The following SNAP29 variants were observed in gnomAD, a reference collection of about 807,000 sequenced individuals.
SNAP29 encodes the protein synaptosome associated protein 29.
A neutral mutation model predicts 27.9 loss-of-function variants in SNAP29; 13 were observed. The ratio of observed to expected loss-of-function variants is 0.47; its 90% confidence interval spans 0.30 to 0.74. The LOEUF (loss-of-function observed/expected upper bound fraction) is 0.74. Among genes scored for constraint, SNAP29 ranks in the 30% least tolerant of loss-of-function variants. The probability of loss-of-function intolerance (pLI) is 0.06; values close to 1 mark genes in which losing one functional copy is unlikely to be tolerated. For missense variants in SNAP29, 368 were observed against 336.5 expected (o/e 1.09, Z -0.73); for synonymous variants, 119 against 127.1 (o/e 0.94, Z 0.43).
chr22:20,862,270 A>T lies in SNAP29; in HGVS notation c.237+2923A>T, dbSNP rs115008702. On this transcript the variant is annotated intron_variant, in intron 1 of 4. Coordinates refer to ENST00000215730, the MANE Select transcript of SNAP29 (RefSeq NM_004782.4). ...CAACTATTTAAGGAGACATCTTTGT[A>T]AACTGAGAACAAATGAAGTAGGGAA... Among the ~76,000 whole-genome samples, 1,122 of 152,338 alleles carry T rather than the reference A, an allele frequency of 7.4e-3. 10 individuals are homozygous for T. The highest frequency in any genetic ancestry group is 0.026 in the African/African-American group (1,080 of 41,568).
In SNAP29 at chr22:20,890,283, C is replaced by T. The variant is rs1000408198; in HGVS notation, c.*2447C>T. 7 of 398,446 alleles carry T rather than the reference C, an allele frequency of 1.8e-5. No homozygotes were observed. The highest frequency in any genetic ancestry group is 3.1e-5 in the Non-Finnish European group (7 of 226,072). 24.7% of individuals were successfully genotyped at this position (398,446 alleles called of 1,614,324 possible). A position where few individuals can be genotyped will look rare whatever the true frequency, so the allele number is the denominator to read the frequency against. ...TTGGGATCGACAAAAAAATGCTACC[C>T]TCTAGACTAGACACATTTCATGGAG... On this transcript the variant is annotated 3_prime_UTR_variant, in exon 5 of 5. Transcript: ENST00000215730.
chr22:20,879,592 T>A (rs981405075), intron 2 of SNAP29, among the ~76,000 whole-genome samples: 9 of 151,900 alleles, frequency 5.9e-5, no homozygotes, highest in African/African-American at 2.2e-4. Flanking sequence ...ATGCCTGTAA[T>A]CCCAGAACTT....
chr22:20,890,397 C>T lies in SNAP29; in HGVS notation c.*2561C>T, dbSNP rs1311329181. ...TTGATTTCCACAGTTGAGCTGGAAA[C>T]AAACTGTGCCTTCAAAAAATGACTT... On this transcript the variant is annotated 3_prime_UTR_variant, in exon 5 of 5. Transcript: ENST00000215730. The T allele has an allele frequency of 2.5e-6, 1 of 398,446 alleles. No homozygotes were observed. Among genetic ancestry groups the T allele is most frequent in the Non-Finnish European group, 4.4e-6 (1 of 226,052 alleles). 24.7% of individuals were successfully genotyped at this position (398,446 alleles called of 1,614,324 possible). A position where few individuals can be genotyped will look rare whatever the true frequency, so the allele number is the denominator to read the frequency against.
intron 2 of SNAP29, among the ~76,000 whole-genome samples, chr22:20,874,420 A>C (rs1202526813): frequency 6.7e-6 from 1 of 148,718 alleles, no homozygotes; most frequent in African/African-American, 2.5e-5. Context: ...ACATGGTGGT[A>C]CGTGCTTGTG....
Position 20,870,508 on chromosome 22 carries a change from A to G in SNAP29, c.409A>G (p.Thr137Ala). The change falls in exon 2 of 5, where the codon ACC (threonine) becomes GCC (alanine). Residue 137 changes from threonine to alanine, a missense_variant. By Grantham distance (58) the Thr-to-Ala change is moderately conservative. Coordinates refer to ENST00000215730, the MANE Select transcript of SNAP29 (RefSeq NM_004782.4). ...PVETPPEQNGTLTSQPNNRLK... is the reference protein window; with the variant it reads ...PVETPPEQNGALTSQPNNRLK... ...AGAGACCCCACCTGAACAGAATGGC[A>G]CCCTCACCTCCCAGCCCAACAACAG... The G allele has an allele frequency of 6.2e-7, 1 of 1,613,968 alleles. No homozygotes were observed. The highest frequency in any genetic ancestry group is 8.5e-7 in the Non-Finnish European group (1 of 1,179,970).
chr22:20,878,445 G>A (rs1480810489), intron 2 of SNAP29, among the ~76,000 whole-genome samples: 1 of 152,158 alleles, frequency 6.6e-6, no homozygotes, highest in East Asian at 1.9e-4. Context: ...GGGCGTGGTG[G>A]CGGGCGCCTG....
intron 1 of SNAP29, among the ~76,000 whole-genome samples, chr22:20,860,074 G>A (rs1029078748): frequency 6.6e-6 from 1 of 152,020 alleles, no homozygotes; most frequent in African/African-American, 2.4e-5. Flanking sequence ...TATTCTGGCC[G>A]AGCGCAGTGA....
At chr22:20,880,993 G>A in intron 2 of SNAP29, 56 bp from the exon 3 acceptor site, 1 of 1,126,022 alleles carries the variant, frequency 8.9e-7, no homozygotes, top group South Asian at 1.3e-5. Context: ...TGATAACATT[G>A]TCATAGGGGT....
At chr22:20,861,105 C>G (rs887441862) in intron 1 of SNAP29, among the ~76,000 whole-genome samples, 1 of 150,736 alleles carries the variant, frequency 6.6e-6, no homozygotes, top group African/African-American at 2.5e-5. Flanking sequence ...CCTCATTGAT[C>G]CACCTCCCTG....
At chr22:20,863,677 TC>T (rs1928388645) in intron 1 of SNAP29, among the ~76,000 whole-genome samples, 1 of 152,100 alleles carries the variant, frequency 6.6e-6, no homozygotes. Context: ...CTTTTTTTTT[TC>T]CTAAGGTTTA....
In SNAP29 at chr22:20,889,700, A is replaced by G. The variant is rs2147876058; in HGVS notation, c.*1864A>G. ...CTGGTTCTTTCCTCTAACACCTTCCATGTATGTCAACTTTTTATCACCGTC... is the reference window on the plus strand; with the variant it reads ...CTGGTTCTTTCCTCTAACACCTTCCGTGTATGTCAACTTTTTATCACCGTC... On this transcript the variant is annotated 3_prime_UTR_variant, in exon 5 of 5. Coordinates refer to ENST00000215730, the MANE Select transcript of SNAP29 (RefSeq NM_004782.4). 6.6e-6 allele frequency: 1 copy of G among 152,304 alleles called. No individual in the cohort carries two copies. Among genetic ancestry groups the G allele is most frequent in the Middle Eastern group, 3.4e-3 (1 of 294 alleles). 9.4% of individuals were successfully genotyped at this position (152,304 alleles called of 1,614,324 possible).
At chr22:20,869,582 C>T (rs893564296) in intron 1 of SNAP29, among the ~76,000 whole-genome samples, 2 of 152,122 alleles carry the variant, frequency 1.3e-5, no homozygotes, top group African/African-American at 4.8e-5. Context: ...TTGACCATGG[C>T]CAGGAGGCTC....
intron 2 of SNAP29, among the ~76,000 whole-genome samples, chr22:20,874,325 C>CAG (rs1238933583): frequency 4.8e-5 from 7 of 146,686 alleles, no homozygotes; most frequent in East Asian, 2.0e-4. Context: ...CAGACACACA[C>CAG]ACACACACAC....
At chr22:20,878,985 TCA>T (rs1407510072) in intron 2 of SNAP29, among the ~76,000 whole-genome samples, 1 of 152,156 alleles carries the variant, frequency 6.6e-6, no homozygotes, top group Non-Finnish European at 1.5e-5. Context: ...AAACATACTT[TCA>T]CAACTTTTTA....
chr22:20,882,844 AG>A (rs1410689317), intron 3 of SNAP29, among the ~76,000 whole-genome samples: 1 of 152,210 alleles, frequency 6.6e-6, no homozygotes, highest in Non-Finnish European at 1.5e-5. Flanking sequence ...TAGAAAGTGA[AG>A]TTTCCCTGAA....
intron 2 of SNAP29, among the ~76,000 whole-genome samples, chr22:20,876,009 A>C (rs1261133981): frequency 3.3e-5 from 5 of 151,828 alleles, no homozygotes; most frequent in Non-Finnish European, 5.9e-5. Context: ...AAAATACAAA[A>C]AATTAGCCAG....
At position 20,859,303 on chromosome 22, in the gene SNAP29, G is replaced by A. The variant is rs760243787; in HGVS notation, c.193G>A (p.Ala65Thr). ...ATAASTSRSL[A>T]LMYESEKVGV... is the part of the protein sequence containing the mutation. The stretch of plus-strand genomic sequence containing the variant: ...GGCCGCCAGCACCAGCAGGTCCCTG[G>A]CCCTCATGTACGAGTCCGAGAAGGT... Residue 65 changes from alanine (A) to threonine (T), a missense_variant, in exon 1 of 5, where the codon GCC becomes ACC. Physicochemically the swap from Ala to Thr is moderately conservative, Grantham distance 58 (BLOSUM62 0). Coordinates refer to ENST00000215730, the MANE Select transcript of SNAP29 (RefSeq NM_004782.4). 5.6e-6 allele frequency: 9 copies of A among 1,613,006 alleles called. No individual in the cohort carries two copies. The African/African-American group carries it at 6.7e-5, about 12-fold the overall frequency.
chr22:20,891,162 G>T lies in SNAP29; in HGVS notation c.*3326G>T, dbSNP rs993584757. 1.4e-4 allele frequency: 21 copies of T among 152,290 alleles called. No homozygotes were observed. The highest frequency in any genetic ancestry group is 4.3e-4 in the African/African-American group (18 of 41,562). 9.4% of individuals were successfully genotyped at this position (152,290 alleles called of 1,614,324 possible). On this transcript the variant is annotated 3_prime_UTR_variant, in exon 5 of 5. Coordinates refer to ENST00000215730, the MANE Select transcript of SNAP29 (RefSeq NM_004782.4). ...GTCTTTTTTGCATTCTGTAGGAAAT[G>T]AAACGTGAATTTAACTCGGGTTGCA...
chr22:20,870,189 AAAGGGT>A, intron 1 of SNAP29, 142 bp from the exon 2 acceptor site: 1 of 710,202 alleles, frequency 1.4e-6, no homozygotes, highest in Non-Finnish European at 2.5e-6. Context: ...GTGTTGTTGG[AAAGGGT>A]AGTGTGCCCC....
Sources: gnomAD v4.1 joint callset for allele counts (sites outside exome capture counted in the v4.1 genomes callset) on GRCh38, gnomAD v4.1.1 for gene constraint, MANE v1.5 for transcripts, NCBI Gene and HGNC (gene_info 2026-07-23, HGNC 2026-07-21) for gene names.